The following OR4K1 variants were observed in gnomAD, a reference collection of about 807,000 sequenced individuals.
The protein encoded by OR4K1 is olfactory receptor 4K1.
Under a neutral mutation model 14.4 loss-of-function variants are expected in OR4K1, and 16 were observed. The observed-to-expected ratio is 1.11, with a 90% CI of 0.75 to 1.68. The LOEUF (loss-of-function observed/expected upper bound fraction) is 1.68, where lower values mean the gene tolerates loss of function less well. Among genes scored for constraint, OR4K1 ranks in the 40% most tolerant of loss-of-function variants. The pLI, the probability that OR4K1 is intolerant of heterozygous loss-of-function variation, is 0.00. For synonymous variants in OR4K1, 181 were observed against 133.1 expected (o/e 1.36, Z -2.48); for missense variants, 548 against 376.9 (o/e 1.45, Z -3.76).
rs375912950 is a variant in OR4K1, at chr14:19,936,116, G to A, written c.450G>A (p.Ala150=). 50 of 1,614,052 alleles carry A rather than the reference G, an allele frequency of 3.1e-5. No homozygotes were observed. Among genetic ancestry groups the A allele is most frequent in the East Asian group, 1.3e-4 (6 of 44,900 alleles). Residue 150 remains alanine, a synonymous_variant, in exon 2 of 2, where the codon GCG becomes GCA. Transcript: ENST00000641172. ...TAATTTTTGTGTCTATTTCCTGGGC[G>A]GTGGGCGTTCTTCATTCTGTGAGCC... ...LCVIFVSISW[A]VGVLHSVSHL... is the part of the protein sequence containing the mutation.
At chr14:19,921,095 T>C in the OR4K1 span, 1 of 1,614,206 alleles carries the variant, frequency 6.2e-7, no homozygotes, top group African/African-American at 1.3e-5. Context: ...TATCATTTAC[T>C]GTGAACCTGC....
chr14:19,930,815 G>T (rs1272327690), upstream of OR4K1: 1 of 152,204 alleles, frequency 6.6e-6, no homozygotes, highest in East Asian at 1.9e-4. Flanking sequence ...GATCTCTAAA[G>T]GGTGTTTTCT....
chr14:19,936,262 C>A lies in OR4K1; in HGVS notation c.596C>A (p.Thr199Asn). 1 of 1,614,212 alleles carries A rather than the reference C, an allele frequency of 6.2e-7. No individual in the cohort carries two copies. The highest frequency in any genetic ancestry group is 1.3e-5 in the African/African-American group (1 of 75,062). The change falls in exon 2 of 2, where the codon ACC becomes AAC. Residue 199 changes from threonine to asparagine, a missense_variant. Thr to Asn is a moderately conservative substitution (Grantham distance 65, BLOSUM62 0). Coordinates refer to ENST00000641172, the MANE Select transcript of OR4K1 (RefSeq NM_001004063.3). ...CMDTYEMEIM[T>N]LTNSGLISLS... ...GATACATATGAAATGGAAATTATGA[C>A]CCTAACGAACAGTGGCCTGATATCA...
upstream of OR4K1, among the ~76,000 whole-genome samples, chr14:19,930,735 C>CTTT (rs1203244579): frequency 6.6e-6 from 1 of 152,200 alleles, no homozygotes; most frequent in Admixed American, 6.5e-5. Context: ...ACAAACAAAC[C>CTTT]TTTTTTTCTT....
At chr14:19,923,283 C>T in the OR4K1 span, among the ~76,000 whole-genome samples, 7 of 152,196 alleles carry the variant, frequency 4.6e-5, no homozygotes, top group Non-Finnish European at 8.8e-5. Flanking sequence ...TAGCCCTGCA[C>T]CCATATTACG....
Position 19,936,603 on chromosome 14 carries a change from G to T in OR4K1, c.*1G>T. On this transcript the variant is annotated 3_prime_UTR_variant, in exon 2 of 2. Coordinates refer to ENST00000641172, the MANE Select transcript of OR4K1 (RefSeq NM_001004063.3). ...TCATGTGAACTCCTGGAAAAACTAGGGATCATTACGAAGGAGCATAATCCT... is the reference window on the plus strand; with the variant it reads ...TCATGTGAACTCCTGGAAAAACTAGTGATCATTACGAAGGAGCATAATCCT... The T allele has an allele frequency of 6.3e-7, 1 of 1,593,260 alleles. No homozygotes were observed. Among genetic ancestry groups the T allele is most frequent in the Non-Finnish European group, 8.5e-7 (1 of 1,170,892 alleles).
At chr14:19,922,092 G>A in the OR4K1 span, among the ~76,000 whole-genome samples, 1 of 150,416 alleles carries the variant, frequency 6.6e-6, no homozygotes, top group South Asian at 2.1e-4. Context: ...AATCAATTAT[G>A]CCTATCCCAT....
chr14:19,936,345 T>A lies in OR4K1; in HGVS notation c.679T>A (p.Cys227Ser), dbSNP rs1342966884. The change falls in exon 2 of 2, where the codon TGC becomes AGC. Residue 227 changes from cysteine (C) to serine (S), a missense_variant. By Grantham distance (112) the Cys-to-Ser change is moderately radical. Coordinates refer to ENST00000641172, the MANE Select transcript of OR4K1 (RefSeq NM_001004063.3). The stretch of plus-strand genomic sequence containing the variant: ...CACCATCATTTTGATCGGTGTCCGA[T>A]GCAGGTCCTCCAGTGGGTCATCTAA... ...SYTIILIGVR[C>S]RSSSGSSKAL... 1.9e-6 allele frequency: 3 copies of A among 1,614,158 alleles called. 1 individual carries two copies. In the Admixed American group the frequency reaches 5.0e-5, roughly 27 times the overall value.
rs767023112 is a variant in OR4K1, at chr14:19,936,613, G to A, written c.*11G>A. ...TCCTGGAAAAACTAGGGATCATTAC[G>A]AAGGAGCATAATCCTGAATTAGAAT... On this transcript the variant is annotated 3_prime_UTR_variant, in exon 2 of 2. Coordinates refer to ENST00000641172, the MANE Select transcript of OR4K1 (RefSeq NM_001004063.3). 1.9e-4 allele frequency: 301 copies of A among 1,578,590 alleles called. No homozygotes were observed. Among genetic ancestry groups the A allele is most frequent in the Non-Finnish European group, 2.4e-4 (275 of 1,163,218 alleles).
At chr14:19,932,636 G>T (rs1011670096) in intron 1 of OR4K1, among the ~76,000 whole-genome samples, 1 of 152,210 alleles carries the variant, frequency 6.6e-6, no homozygotes, top group Non-Finnish European at 1.5e-5. Flanking sequence ...TTGTCCAAAA[G>T]CATCTCCTAG....
At chr14:19,929,610 G>T (rs944406954), upstream of OR4K1, among the ~76,000 whole-genome samples, 18 of 152,242 alleles carry the variant, frequency 1.2e-4, no homozygotes, top group Middle Eastern at 3.4e-3. Context: ...CAAAAGAAAT[G>T]ATTTCTAATC....
upstream of OR4K1, among the ~76,000 whole-genome samples, chr14:19,929,210 A>G (rs1299797187): frequency 6.7e-6 from 1 of 149,864 alleles, no homozygotes; most frequent in Non-Finnish European, 1.5e-5. Context: ...AGTAATCTAC[A>G]TTTCTTTAAA....
At chr14:19,928,909 T>C (rs1446231203), upstream of OR4K1, among the ~76,000 whole-genome samples, 2 of 152,082 alleles carry the variant, frequency 1.3e-5, no homozygotes, top group Non-Finnish European at 2.9e-5. Flanking sequence ...GTCATATATG[T>C]TGCACATATT....
chr14:19,929,381 G>A (rs1594453219), upstream of OR4K1, among the ~76,000 whole-genome samples: 1 of 146,274 alleles, frequency 6.8e-6, no homozygotes, highest in East Asian at 2.0e-4. Flanking sequence ...GTGTGTGTGT[G>A]TGTGTGTGTG....
upstream of OR4K1, among the ~76,000 whole-genome samples, chr14:19,929,543 C>G (rs1358013933): frequency 6.6e-6 from 1 of 152,026 alleles, no homozygotes; most frequent in Non-Finnish European, 1.5e-5. Flanking sequence ...TACTGTCACA[C>G]AATTTATCTC....
the OR4K1 span, chr14:19,921,648 T>C: frequency 1.4e-6 from 2 of 1,443,216 alleles, no homozygotes; most frequent in South Asian, 1.4e-5. Context: ...GTGGTGTATC[T>C]CAATTGTGGG....
chr14:19,930,472 T>C (rs912599472), upstream of OR4K1, among the ~76,000 whole-genome samples: 1 of 152,204 alleles, frequency 6.6e-6, no homozygotes, highest in African/African-American at 2.4e-5. Context: ...AATACTGAAG[T>C]GCTAATAGAT....
At position 19,936,380 on chromosome 14, in the gene OR4K1, T is replaced by G; in HGVS notation, c.714T>G (p.Ser238=). The G allele has an allele frequency of 1.9e-6, 3 of 1,614,254 alleles. No individual in the cohort carries two copies. Among genetic ancestry groups the G allele is most frequent in the Non-Finnish European group, 2.5e-6 (3 of 1,180,040 alleles). Residue 238 remains serine, a synonymous_variant, in exon 2 of 2, where the codon TCT becomes TCG. Coordinates refer to ENST00000641172, the MANE Select transcript of OR4K1 (RefSeq NM_001004063.3). ...RSSSGSSKAL[S]TLTAHITVVI... ...CCAGTGGGTCATCTAAGGCTCTTTC[T>G]ACATTAACTGCCCACATCACAGTGG...
the OR4K1 span, among the ~76,000 whole-genome samples, chr14:19,925,415 T>C: frequency 0.77 from 117,064 of 151,720 alleles, 41,629 homozygotes; most frequent in East Asian, 0.81. Flanking sequence ...ATATGGCTTC[T>C]TCTTCACGAT....
Sources: allele counts gnomAD v4.1 joint callset (sites outside exome capture counted in the v4.1 genomes callset), GRCh38; gene constraint gnomAD v4.1.1; transcripts MANE v1.5; gene names NCBI Gene and HGNC (gene_info 2026-07-23, HGNC 2026-07-21).